TFEC: variants seen among roughly 807,000 people sequenced by gnomAD.
TFEC encodes class E basic helix-loop-helix protein 34.
A neutral mutation model predicts 41.6 loss-of-function variants in TFEC; 31 were observed. The ratio of observed to expected loss-of-function variants is 0.74; its 90% CI spans 0.56 to 1.01. TFEC has a LOEUF of 1.01. Among genes scored for constraint, TFEC ranks in the 50% least tolerant of loss-of-function variants. TFEC has a pLI of 0.00. For missense variants in TFEC, 402 were observed against 404.1 expected (o/e 0.99, Z 0.04); for synonymous variants, 143 against 140.6 (o/e 1.02, Z -0.12).
At chr7:116,102,691 A>G (rs971950361) in intron 3 of TFEC, among the ~76,000 whole-genome samples, 1 of 152,178 alleles carries the variant, frequency 6.6e-6, no homozygotes. Context: ...AGTACACAAC[A>G]CCTAAGAATA....
chr7:115,947,837 T>G (rs1354694132), intron 6 of TFEC, among the ~76,000 whole-genome samples: 1 of 151,918 alleles, frequency 6.6e-6, no homozygotes, highest in Non-Finnish European at 1.5e-5. Flanking sequence ...TCAGAAGAGA[T>G]AACTAAAATC....
At chr7:116,006,280 C>T (rs1414004220) in intron 1 of TFEC, among the ~76,000 whole-genome samples, 1 of 152,210 alleles carries the variant, frequency 6.6e-6, no homozygotes, top group Non-Finnish European at 1.5e-5. Flanking sequence ...GGAAAAGCTT[C>T]AGACACTCAA....
intron 3 of TFEC, among the ~76,000 whole-genome samples, chr7:116,104,237 T>C (rs1237666258): frequency 6.6e-6 from 1 of 152,128 alleles, no homozygotes; most frequent in Non-Finnish European, 1.5e-5. Context: ...TTGAGGACTC[T>C]AAGAGAACAG....
chr7:116,064,145 TAA>T (rs1796637869), intron 3 of TFEC, among the ~76,000 whole-genome samples: 1 of 151,994 alleles, frequency 6.6e-6, no homozygotes, highest in Non-Finnish European at 1.5e-5. Context: ...AAAAATAACT[TAA>T]AGAGATTTAT....
chr7:115,982,257 G>A (rs7780950), intron 2 of TFEC, among the ~76,000 whole-genome samples: 129,336 of 151,924 alleles, frequency 0.85, 55,186 homozygotes, highest in Non-Finnish European at 0.89. Flanking sequence ...CCATCTCCTG[G>A]GCTCCCACTC....
Position 115,984,373 on chromosome 7 carries a change from C to G in TFEC, c.69G>C (p.Gly23=). 6.2e-7 allele frequency: 1 copy of G among 1,614,116 alleles called. No individual in the cohort carries two copies. Among genetic ancestry groups the G allele is most frequent in the South Asian group, 1.1e-5 (1 of 91,084 alleles). ...KWSQPAVPSG[G]PLVQHAHTTL... is the part of the protein sequence containing the mutation. ...TTGTGTGTGCATGCTGCACAAGAGG[C>G]CCACCACTTGGCACTGCAGGTTGTG... Residue 23 remains glycine, a synonymous_variant, in exon 2 of 8, where the codon GGG becomes GGC. Coordinates refer to ENST00000265440, the MANE Select transcript of TFEC (RefSeq NM_012252.4).
At chr7:116,001,162 C>T (rs1203067968) in intron 1 of TFEC, among the ~76,000 whole-genome samples, 1 of 152,030 alleles carries the variant, frequency 6.6e-6, no homozygotes, top group Non-Finnish European at 1.5e-5. Context: ...AAAGTGAATT[C>T]ATTTTAGACA....
chr7:116,034,328 C>G (rs184925137), upstream of TFEC, among the ~76,000 whole-genome samples: 14 of 152,172 alleles, frequency 9.2e-5, no homozygotes, highest in Admixed American at 3.9e-4. Context: ...TGATATCTCT[C>G]TTGAATTCCA....
chr7:116,022,725 T>C (rs976788948), intron 1 of TFEC, among the ~76,000 whole-genome samples: 1 of 152,204 alleles, frequency 6.6e-6, no homozygotes, highest in Non-Finnish European at 1.5e-5. Flanking sequence ...AGGTCTCTTA[T>C]GTTTAAGTTT....
intron 1 of TFEC, among the ~76,000 whole-genome samples, chr7:116,134,527 T>A (rs1338445389): frequency 6.6e-6 from 1 of 152,176 alleles, no homozygotes; most frequent in Non-Finnish European, 1.5e-5. Flanking sequence ...CTCTGAAATT[T>A]TTTTTATTCA....
intron 3 of TFEC, among the ~76,000 whole-genome samples, chr7:116,064,995 A>C (rs1364522102): frequency 6.6e-6 from 1 of 152,184 alleles, no homozygotes; most frequent in Non-Finnish European, 1.5e-5. Context: ...TAGACACAAG[A>C]CACAAGAGTG....
chr7:116,062,062 ATTC>A (rs2130991559), intron 3 of TFEC, among the ~76,000 whole-genome samples: 1 of 146,038 alleles, frequency 6.8e-6, no homozygotes, highest in African/African-American at 2.5e-5. Context: ...CTACTGTACC[ATTC>A]TTTTTTTTTT....
At chr7:116,060,868 T>A (rs1201256695) in intron 3 of TFEC, among the ~76,000 whole-genome samples, 2 of 136,806 alleles carry the variant, frequency 1.5e-5, no homozygotes, top group Non-Finnish European at 3.2e-5. Flanking sequence ...AAATAAAAGT[T>A]TAAAAATAAA....
intron 3 of TFEC, among the ~76,000 whole-genome samples, chr7:115,969,905 A>G (rs1190336540): frequency 6.6e-6 from 1 of 152,004 alleles, no homozygotes; most frequent in Non-Finnish European, 1.5e-5. Flanking sequence ...AGAAAAGCAA[A>G]GAATGACCAT....
At chr7:115,980,664 C>G (rs1793586437) in intron 2 of TFEC, among the ~76,000 whole-genome samples, 2 of 152,078 alleles carry the variant, frequency 1.3e-5, no homozygotes, top group Non-Finnish European at 2.9e-5. Context: ...GCACGACAAT[C>G]TCTTGAACCC....
In TFEC at chr7:115,942,071, T is replaced by C. The variant is rs778893177; in HGVS notation, c.516-31A>G. 18 of 1,585,260 alleles carry C rather than the reference T, an allele frequency of 1.1e-5. No homozygotes were observed. The African/African-American group carries it at 2.3e-4, about 20-fold the overall frequency. Reference sequence around the variant, plus strand: ...GAATGGAGAGATAACCTTTTCACAATTGTGCATGTCAGCAGAATTCATAAG... The same window carrying C: ...GAATGGAGAGATAACCTTTTCACAACTGTGCATGTCAGCAGAATTCATAAG... On this transcript the variant is annotated intron_variant, in intron 6 of 7. Transcript: ENST00000265440.
At position 115,984,403 on chromosome 7, in the gene TFEC, T is replaced by C. The variant is rs1793763239; in HGVS notation, c.39A>G (p.Lys13=). The part of the protein sequence containing the change: ...LDHQIINPTL[K]WSQPAVPSGG... ...CACTTGGCACTGCAGGTTGTGACCA[T>C]TTAAGAGTTGGATTGATGATCTGAT... Residue 13 remains lysine, a synonymous_variant, in exon 2 of 8, where the codon AAA becomes AAG. Coordinates refer to ENST00000265440, the MANE Select transcript of TFEC (RefSeq NM_012252.4). 2.5e-6 allele frequency: 4 copies of C among 1,613,980 alleles called. No individual in the cohort carries two copies. The highest frequency in any genetic ancestry group is 3.3e-5 in the Admixed American group (2 of 59,984).
At chr7:116,101,712 A>G (rs1404546344) in intron 3 of TFEC, among the ~76,000 whole-genome samples, 2 of 152,112 alleles carry the variant, frequency 1.3e-5, no homozygotes, top group African/African-American at 4.8e-5. Context: ...GGGGGCAACA[A>G]TGAATGTATT....
At chr7:116,122,006 C>G (rs1418464722) in intron 1 of TFEC, among the ~76,000 whole-genome samples, 1 of 151,930 alleles carries the variant, frequency 6.6e-6, no homozygotes, top group South Asian at 2.1e-4. Context: ...ATAGCTGTAG[C>G]TAGGTGCCCA....
Sources: gnomAD v4.1 joint callset for allele counts (sites outside exome capture counted in the v4.1 genomes callset) on GRCh38, gnomAD v4.1.1 for gene constraint, MANE v1.5 for transcripts, NCBI Gene and HGNC (gene_info 2026-07-23, HGNC 2026-07-21) for gene names.